ZNF785: variants seen among roughly 807,000 people sequenced by gnomAD.
ZNF785 encodes zinc finger protein 785.
In ZNF785, 15 loss-of-function variants were observed where a neutral mutation model predicts 11.3. The observed-to-expected ratio is 1.32, with a 90% CI of 0.89 to 2.04. The LOEUF (loss-of-function observed/expected upper bound fraction) is 2.04. ZNF785 is among the 30% of genes most tolerant of loss of function. The probability of loss-of-function intolerance (pLI) is 0.00; values close to 1 mark genes in which losing one functional copy is unlikely to be tolerated. For synonymous variants in ZNF785, 221 were observed against 231.0 expected (o/e 0.96, Z 0.39); for missense variants, 572 against 560.9 (o/e 1.02, Z -0.20).
At position 30,583,334 on chromosome 16, in the gene ZNF785, T is replaced by C. The variant is rs1469759033; in HGVS notation, c.444A>G (p.Pro148=). The C allele has an allele frequency of 6.2e-7, 1 of 1,613,904 alleles. No homozygotes were observed. The highest frequency in any genetic ancestry group is 8.5e-7 in the Non-Finnish European group (1 of 1,179,848). ...GGCTCTGCCTAGGGTTGCAGAACTCTGGGCAGGCGACGCTGGGCCACCACT... is the reference window on the plus strand; with the variant it reads ...GGCTCTGCCTAGGGTTGCAGAACTCCGGGCAGGCGACGCTGGGCCACCACT... ...VKEWWPSVAC[P]EFCNPRQSPM... is the part of the protein sequence containing the mutation. The change falls in exon 3 of 3, where the codon CCA becomes CCG. Residue 148 remains proline, a synonymous_variant. Transcript: ENST00000395216.
chr16:30,585,661 T>TG lies in ZNF785; in HGVS notation c.-51dup. 5.5e-6 allele frequency: 8 copies of TG among 1,445,870 alleles called. No individual in the cohort carries two copies. The highest frequency in any genetic ancestry group is 7.2e-6 in the Non-Finnish European group (8 of 1,107,098). 89.6% of individuals were successfully genotyped at this position (1,445,870 alleles called of 1,614,324 possible). A position where few individuals can be genotyped will look rare whatever the true frequency, so the allele number is the denominator to read the frequency against. On this transcript the variant is annotated 5_prime_UTR_variant, in exon 1 of 3. Transcript: ENST00000395216. This position sits in a 1 kb window ranked among gnomAD's most constrained non-coding sequence, Gnocchi z 4.0. ...GGGAGGCTTCCGGGGAAGGTGGAGATGCTGGCGCTTTCCTGTCTTTCCTCA... is the reference window on the plus strand; with the variant it reads ...GGGAGGCTTCCGGGGAAGGTGGAGATGGCTGGCGCTTTCCTGTCTTTCCTCA...
chr16:30,579,591 G>C (rs978064679), downstream of ZNF785: 2 of 326,466 alleles, frequency 6.1e-6, no homozygotes, highest in African/African-American at 4.3e-5. Flanking sequence ...ATATTGCCCA[G>C]CTGGTCTCAA....
Position 30,581,459 on chromosome 16 carries a change from C to CAAAAAA in ZNF785, c.*1095_*1100dup, listed in dbSNP as rs760679001. ...CAGGCAATAGAGACAGACTCTGTCT[C>CAAAAAA]AAAAAAAAAAAAAAAAAAAAGAATC... On this transcript the variant is annotated 3_prime_UTR_variant, in exon 3 of 3. Transcript: ENST00000395216. The CAAAAAA allele has an allele frequency of 1.8e-5, 1 of 54,332 alleles. No individual in the cohort carries two copies. The highest frequency in any genetic ancestry group is 3.9e-5 in the Non-Finnish European group (1 of 25,546). The allele number at this position is 54,332 out of a possible 1,614,324, so 3.4% of individuals were successfully genotyped here. A position where few individuals can be genotyped will look rare whatever the true frequency, so the allele number is the denominator to read the frequency against.
chr16:30,581,946 C>A lies in ZNF785; in HGVS notation c.*614G>T, dbSNP rs1024741165. The stretch of plus-strand genomic sequence containing the variant: ...ACTAACAGCACAAAAATTAGCTGGG[C>A]CTGGTGGCGCATGCCTGTAATCCCA... On this transcript the variant is annotated 3_prime_UTR_variant, in exon 3 of 3. Transcript: ENST00000395216. 6.6e-6 allele frequency: 1 copy of A among 152,566 alleles called. No homozygotes were observed. The highest frequency in any genetic ancestry group is 2.4e-5 in the African/African-American group (1 of 41,562). 9.5% of individuals were successfully genotyped at this position (152,566 alleles called of 1,614,324 possible).
rs11348361 is a variant in ZNF785, at chr16:30,580,655, GTTT to G, written c.*1902_*1904del. ...CAGGTGTGAGCCAACGTGCCTGGCC[GTTT>G]TTTTTTTTTTTTTTGGTATTTTTAG... On this transcript the variant is annotated 3_prime_UTR_variant, in exon 3 of 3. Transcript: ENST00000395216. The G allele has an allele frequency of 4.1e-5, 5 of 122,396 alleles. No homozygotes were observed. Among genetic ancestry groups the G allele is most frequent in the Non-Finnish European group, 3.3e-5 (2 of 59,892 alleles). The allele number at this position is 122,396 out of a possible 1,614,324, so 7.6% of individuals were successfully genotyped here.
chr16:30,582,787 G>C lies in ZNF785; in HGVS notation c.991C>G (p.Arg331Gly). ...FTYSSLLLSHRRIHSDSRPFP... is the reference protein window; with the variant it reads ...FTYSSLLLSHGRIHSDSRPFP... ...GGCCGGCTGTCGGAGTGAATGCGCCGGTGACTGAGGAGGAGGGAAGAATAG... is the reference window on the plus strand; with the variant it reads ...GGCCGGCTGTCGGAGTGAATGCGCCCGTGACTGAGGAGGAGGGAAGAATAG... The change falls in exon 3 of 3, where the codon CGG (arginine) becomes GGG (glycine). Residue 331 changes from arginine to glycine, a missense_variant. Coordinates refer to ENST00000395216, the MANE Select transcript of ZNF785 (RefSeq NM_152458.7). 1 of 1,606,894 alleles carries C rather than the reference G, an allele frequency of 6.2e-7. No individual in the cohort carries two copies. The highest frequency in any genetic ancestry group is 8.5e-7 in the Non-Finnish European group (1 of 1,175,364).
In ZNF785 at chr16:30,582,405, C is replaced by T; in HGVS notation, c.*155G>A. 1 of 1,114,980 alleles carries T rather than the reference C, an allele frequency of 9.0e-7. No homozygotes were observed. The highest frequency in any genetic ancestry group is 1.2e-6 in the Non-Finnish European group (1 of 804,934). 69.1% of individuals were successfully genotyped at this position (1,114,980 alleles called of 1,614,324 possible). ...CCCAGGCACCTTTTCAGATTCCTGC[C>T]TCCTCCCCACAGCCCTCTGTGCCCC... On this transcript the variant is annotated 3_prime_UTR_variant, in exon 3 of 3. Coordinates refer to ENST00000395216, the MANE Select transcript of ZNF785 (RefSeq NM_152458.7).
chr16:30,585,356 A>G lies in ZNF785; in HGVS notation c.205+51T>C. 10 of 1,570,270 alleles carry G rather than the reference A, an allele frequency of 6.4e-6. No individual in the cohort carries two copies. Among genetic ancestry groups the G allele is most frequent in the Non-Finnish European group, 8.6e-6 (10 of 1,160,574 alleles). On this transcript the variant is annotated intron_variant, in intron 1 of 2. Coordinates refer to ENST00000395216, the MANE Select transcript of ZNF785 (RefSeq NM_152458.7). This position sits in a 1 kb window ranked among gnomAD's most constrained non-coding sequence, Gnocchi z 4.0. ...CCACTAGCCTCTGGGGACACCGATC[A>G]CCGCTTCCCACCGACGGACTGGGGG...
intron 2 of ZNF785, chr16:30,583,668 A>T (rs141106973): frequency 3.0e-5 from 15 of 505,456 alleles, no homozygotes; most frequent in African/African-American, 2.5e-4. Context: ...GCAGGTTAAC[A>T]CAAGAAGGCC....
downstream of ZNF785, among the ~76,000 whole-genome samples, chr16:30,580,351 C>A (rs2051790658): frequency 3.0e-5 from 4 of 132,218 alleles, no homozygotes; most frequent in South Asian, 1.1e-3. Flanking sequence ...CCAGGCCTGG[C>A]TAATTTTTTT....
In ZNF785 at chr16:30,581,164, C is replaced by CAAA; in HGVS notation, c.*1393_*1395dup. 2 of 138,692 alleles carry CAAA rather than the reference C, an allele frequency of 1.4e-5. No homozygotes were observed. The highest frequency in any genetic ancestry group is 3.1e-5 in the Non-Finnish European group (2 of 63,826). 8.6% of individuals were successfully genotyped at this position (138,692 alleles called of 1,614,324 possible). On this transcript the variant is annotated 3_prime_UTR_variant, in exon 3 of 3. Coordinates refer to ENST00000395216, the MANE Select transcript of ZNF785 (RefSeq NM_152458.7). ...GGGCAACAAGAGCGAAACTCCATCT[C>CAAA]AAAAAAAAAAAGAGGCTGGGTGCAG...
chr16:30,584,990 ATGAGGACGTTTC>A (rs2051869614), intron 2 of ZNF785, 120 bp downstream of exon 2: 2 of 1,250,368 alleles, frequency 1.6e-6, no homozygotes, highest in Admixed American at 5.8e-5. Flanking sequence ...TTGCAGTGAG[ATGAGGACGTTTC>A]TGGGGTAGGG....
At position 30,585,289 on chromosome 16, in the gene ZNF785, G is replaced by A. The variant is rs1249337793; in HGVS notation, c.206-39C>T. On this transcript the variant is annotated intron_variant, in intron 1 of 2. Coordinates refer to ENST00000395216, the MANE Select transcript of ZNF785 (RefSeq NM_152458.7). The surrounding 1 kb of genome is among the most constrained non-coding windows in gnomAD (Gnocchi z 4.0). ...ACAATGGGCTCGGCTGAGCGCACGG[G>A]AGGGGAGAATGAGACTGCTCCCTCG... 1.2e-6 allele frequency: 2 copies of A among 1,609,878 alleles called. No homozygotes were observed. The highest frequency in any genetic ancestry group is 1.1e-5 in the South Asian group (1 of 90,712).
At chr16:30,579,573 G>A (rs774969993), downstream of ZNF785, 3 of 297,190 alleles carry the variant, frequency 1.0e-5, no homozygotes, top group Non-Finnish European at 2.0e-5. Context: ...TAGAGATGGG[G>A]TTTCACTATA....
chr16:30,583,588 C>T, intron 2 of ZNF785, 145 bp from the exon 3 acceptor site: 2 of 1,097,430 alleles, frequency 1.8e-6, no homozygotes, highest in South Asian at 1.8e-5. Context: ...GCCCAGGGAG[C>T]ACGGCTTAAT....
In ZNF785 at chr16:30,583,377, T is replaced by A. The variant is rs370907409; in HGVS notation, c.401A>T (p.His134Leu). ...KKCPKQKEVA[H>L]EVAVKEWWPS... Reference sequence around the variant, plus strand: ...CCACCACTCCTTGACAGCCACTTCATGCGCCACCTCTTTTTGTTTTGGACA... The same window carrying A: ...CCACCACTCCTTGACAGCCACTTCAAGCGCCACCTCTTTTTGTTTTGGACA... Residue 134 changes from histidine to leucine, a missense_variant, in exon 3 of 3, where the codon CAT becomes CTT. Transcript: ENST00000395216. 9 of 1,608,982 alleles carry A rather than the reference T, an allele frequency of 5.6e-6. No homozygotes were observed. Among genetic ancestry groups the A allele is most frequent in the Non-Finnish European group, 6.8e-6 (8 of 1,177,184 alleles).
chr16:30,579,539 C>T (rs1470729586), downstream of ZNF785: 1 of 287,760 alleles, frequency 3.5e-6, no homozygotes, highest in Non-Finnish European at 7.0e-6. Context: ...AGGCATGTGC[C>T]ACCACGCCTG....
In ZNF785 at chr16:30,582,786, CG is replaced by C; in HGVS notation, c.991del (p.Arg331GlyfsTer99). On this transcript the variant is annotated frameshift_variant, in exon 3 of 3. Coordinates refer to ENST00000395216, the MANE Select transcript of ZNF785 (RefSeq NM_152458.7). LOFTEE classifies it low-confidence loss of function (END_TRUNC). ...GGGCCGGCTGTCGGAGTGAATGCGC[CG>C]GTGACTGAGGAGGAGGGAAGAATAG... ...FTYSSLLLSH[R>X]RIHSDSRPFP... is the part of the protein sequence containing the mutation. The C allele has an allele frequency of 6.2e-7, 1 of 1,606,676 alleles. No homozygotes were observed. Among genetic ancestry groups the C allele is most frequent in the African/African-American group, 1.3e-5 (1 of 74,890 alleles).
chr16:30,582,605 T>A lies in ZNF785; in HGVS notation c.1173A>T (p.Pro391=). 1 of 1,614,158 alleles carries A rather than the reference T, an allele frequency of 6.2e-7. No homozygotes were observed. Among genetic ancestry groups the A allele is most frequent in the Non-Finnish European group, 8.5e-7 (1 of 1,180,050 alleles). Residue 391 remains proline, a synonymous_variant, in exon 3 of 3, where the codon CCA becomes CCT. Coordinates refer to ENST00000395216, the MANE Select transcript of ZNF785 (RefSeq NM_152458.7). ...TATCTGGAAAGTGCCGGAAGTGAACTGGGGGATCCTTGCCTCCCAAAACAG... is the reference window on the plus strand; with the variant it reads ...TATCTGGAAAGTGCCGGAAGTGAACAGGGGGATCCTTGCCTCCCAAAACAG... The part of the protein sequence containing the change: ...PIPVLGGKDP[P]VHFRHFPDIF...
Sources: gnomAD v4.1 joint callset for allele counts (sites outside exome capture counted in the v4.1 genomes callset) on GRCh38, gnomAD v4.1.1 for gene constraint, Gnocchi (gnomAD v3.1) non-coding constraint, MANE v1.5 for transcripts, NCBI Gene and HGNC (gene_info 2026-07-23, HGNC 2026-07-21) for gene names.